ETS1: variants seen among roughly 807,000 people sequenced by gnomAD.
The protein encoded by ETS1 is protein C-ets-1.
Under a neutral mutation model 58.6 loss-of-function variants are expected in ETS1, and 15 were observed. The ratio of observed to expected loss-of-function variants is 0.26; its 90% CI spans 0.17 to 0.39. ETS1 has a LOEUF of 0.39. Ranked by LOEUF, ETS1 falls within the 10% of genes least tolerant of loss-of-function variation. The probability of loss-of-function intolerance (pLI) is 1.00; values close to 1 mark genes in which losing one functional copy is unlikely to be tolerated. For missense variants in ETS1, 417 were observed against 610.5 expected (o/e 0.68, Z 3.34); for synonymous variants, 214 against 218.2 (o/e 0.98, Z 0.17).
intron 3 of ETS1, among the ~76,000 whole-genome samples, chr11:128,547,482 G>A (rs1235715702): frequency 6.6e-6 from 1 of 152,178 alleles, no homozygotes; most frequent in East Asian, 1.9e-4. Context: ...AATGTATGAG[G>A]TATGTAAGAT....
chr11:128,527,487 A>G (rs533270844), intron 3 of ETS1: 1 of 154,964 alleles, frequency 6.5e-6, no homozygotes, highest in African/African-American at 2.4e-5. Flanking sequence ...GCTTCCCTGA[A>G]GCAGGCTGAG....
At chr11:128,502,664 C>T (rs1023809186) in intron 3 of ETS1, among the ~76,000 whole-genome samples, 1 of 152,172 alleles carries the variant, frequency 6.6e-6, no homozygotes, top group Non-Finnish European at 1.5e-5. Flanking sequence ...TCTCTATTTT[C>T]TGGAATTTCA....
At position 128,496,102 on chromosome 11, in the gene ETS1, A is replaced by T. The variant is rs532317881; in HGVS notation, c.215-5526T>A. Among the ~76,000 whole-genome samples the T allele has an allele frequency of 3.9e-5, 6 of 152,282 alleles. No individual in the cohort carries two copies. In the East Asian group the frequency reaches 1.2e-3, roughly 29 times the overall value. Reference sequence around the variant, plus strand: ...GATATTTTTTAGATAAAGGGAGATCATAGAGTTAAAGTTCAATAAGAGGCA... The same window carrying T: ...GATATTTTTTAGATAAAGGGAGATCTTAGAGTTAAAGTTCAATAAGAGGCA... On this transcript the variant is annotated intron_variant, in intron 3 of 9. Coordinates refer to ENST00000392668, the MANE Select transcript of ETS1 (RefSeq NM_001143820.2).
chr11:128,575,970 T>G (rs1864738565), intron 1 of ETS1, among the ~76,000 whole-genome samples: 1 of 152,178 alleles, frequency 6.6e-6, no homozygotes, highest in South Asian at 2.1e-4. Context: ...ATAGCAACAC[T>G]CCTGGAAAAG....
intron 3 of ETS1, among the ~76,000 whole-genome samples, chr11:128,494,298 G>A (rs1218570620): frequency 6.6e-6 from 1 of 152,158 alleles, no homozygotes; most frequent in Non-Finnish European, 1.5e-5. Context: ...TAGATTTCCT[G>A]CCCACTGATT....
At chr11:128,565,058 A>AAATAAATAAATT (rs374454292) in intron 2 of ETS1, among the ~76,000 whole-genome samples, 10 of 142,852 alleles carry the variant, frequency 7.0e-5, no homozygotes, top group East Asian at 4.1e-4. Context: ...ATAAATAAAT[A>AAATAAATAAATT]AAATAAATGT....
Position 128,463,723 on chromosome 11 carries a change from A to G in ETS1, c.1124-96T>C. ...GGCACTCCCACATCCCTCTTCTCTC[A>G]GCCCATCCAGCCAGGAGAAAATGAA... On this transcript the variant is annotated intron_variant, in intron 8 of 9. Coordinates refer to ENST00000392668, the MANE Select transcript of ETS1 (RefSeq NM_001143820.2). The surrounding 1 kb of genome is among the most constrained non-coding windows in gnomAD (Gnocchi z 4.1). 1 of 725,666 alleles carries G rather than the reference A, an allele frequency of 1.4e-6. No individual in the cohort carries two copies. Among genetic ancestry groups the G allele is most frequent in the Non-Finnish European group, 2.5e-6 (1 of 397,620 alleles). 45.0% of individuals were successfully genotyped at this position (725,666 alleles called of 1,614,324 possible). A position where few individuals can be genotyped will look rare whatever the true frequency, so the allele number is the denominator to read the frequency against.
chr11:128,486,633 T>C (rs1862639980), intron 5 of ETS1, among the ~76,000 whole-genome samples: 2 of 152,242 alleles, frequency 1.3e-5, no homozygotes. Context: ...TGTTTTGTAT[T>C]TTTCCCATTG....
At chr11:128,558,453 T>C (rs1864349815) in intron 2 of ETS1, among the ~76,000 whole-genome samples, 1 of 152,128 alleles carries the variant, frequency 6.6e-6, no homozygotes, top group Admixed American at 6.5e-5. Context: ...GAGACCAGCC[T>C]GGACAACATG....
intron 8 of ETS1, among the ~76,000 whole-genome samples, chr11:128,470,075 T>C (rs1263800989): frequency 6.6e-6 from 1 of 152,214 alleles, no homozygotes; most frequent in East Asian, 1.9e-4. Flanking sequence ...CTGAACACGA[T>C]GATGAACAAA....
At chr11:128,522,377 GC>G in intron 3 of ETS1, 1 of 987,362 alleles carries the variant, frequency 1.0e-6, no homozygotes, top group Non-Finnish European at 1.2e-6. Flanking sequence ...TTCTCGCGGC[GC>G]CGCGTCTCGG....
Position 128,480,393 on chromosome 11 carries a change from G to C in ETS1, c.921C>G (p.Arg307=), listed in dbSNP as rs118149282. 1 of 1,614,084 alleles carries C rather than the reference G, an allele frequency of 6.2e-7. No individual in the cohort carries two copies. The highest frequency in any genetic ancestry group is 8.5e-7 in the Non-Finnish European group (1 of 1,179,988). The part of the protein sequence containing the change: ...ESIESYDSCD[R]LTQSWSSQSS... Reference sequence around the variant, plus strand: ...ACTGGCTGCTCCAGGACTGGGTGAGGCGATCACAACTATCGTAGCTCTCTA... The same window carrying C: ...ACTGGCTGCTCCAGGACTGGGTGAGCCGATCACAACTATCGTAGCTCTCTA... Residue 307 remains arginine (R), a synonymous_variant, in exon 8 of 10, where the codon CGC becomes CGG. Transcript: ENST00000392668.
At chr11:128,568,852 A>G (rs1591669510) in intron 2 of ETS1, among the ~76,000 whole-genome samples, 1 of 152,068 alleles carries the variant, frequency 6.6e-6, no homozygotes, top group African/African-American at 2.4e-5. Context: ...CTGACATCCT[A>G]TTTTCGAAGA....
In ETS1 at chr11:128,485,747, T is replaced by A. The variant is rs1862612456; in HGVS notation, c.613+322A>T. 4.6e-5 allele frequency among the ~76,000 whole-genome samples: 7 copies of A among 152,222 alleles called. No homozygotes were observed. The South Asian group carries it at 1.5e-3, about 32-fold the overall frequency. ...CAAGATCAAATCCCTAACCCAACCCTCTTTTGGCCATCGTAGTGCACAGTA... is the reference window on the plus strand; with the variant it reads ...CAAGATCAAATCCCTAACCCAACCCACTTTTGGCCATCGTAGTGCACAGTA... On this transcript the variant is annotated intron_variant, in intron 6 of 9. Coordinates refer to ENST00000392668, the MANE Select transcript of ETS1 (RefSeq NM_001143820.2).
At chr11:128,539,485 C>T (rs557532458) in intron 3 of ETS1, among the ~76,000 whole-genome samples, 14 of 152,220 alleles carry the variant, frequency 9.2e-5, no homozygotes, top group Non-Finnish European at 1.9e-4. Context: ...CAAATCAAAA[C>T]GACAATGAAA....
chr11:128,484,746 A>T (rs1236646736), intron 7 of ETS1, 77 bp downstream of exon 7: 30 of 1,397,546 alleles, frequency 2.1e-5, no homozygotes, highest in Non-Finnish European at 2.4e-5. Context: ...GAAAAAAAAA[A>T]TGGAACCTGA....
chr11:128,516,892 T>C (rs913339949), intron 3 of ETS1, among the ~76,000 whole-genome samples: 9 of 152,138 alleles, frequency 5.9e-5, no homozygotes, highest in Admixed American at 2.0e-4. Context: ...AGAGATTCAA[T>C]GCACAGCAAC....
chr11:128,580,874 A>C (rs1864856515), intron 1 of ETS1, among the ~76,000 whole-genome samples: 1 of 152,232 alleles, frequency 6.6e-6, no homozygotes. Flanking sequence ...CTCTAAAAAT[A>C]AACCCATCTC....
chr11:128,511,896 T>A (rs1863402825), intron 3 of ETS1, among the ~76,000 whole-genome samples: 1 of 152,220 alleles, frequency 6.6e-6, no homozygotes, highest in South Asian at 2.1e-4. Flanking sequence ...GCACTGCACT[T>A]TCCTTATTTG....
Sources: gnomAD v4.1 joint callset for allele counts (sites outside exome capture counted in the v4.1 genomes callset) on GRCh38, gnomAD v4.1.1 for gene constraint, Gnocchi (gnomAD v3.1) non-coding constraint, MANE v1.5 for transcripts, NCBI Gene and HGNC (gene_info 2026-07-23, HGNC 2026-07-21) for gene names.